IST1: variants seen among roughly 807,000 people sequenced by gnomAD.
IST1 encodes the protein IST1 factor associated with ESCRT-III, also known as IST1 homolog.
Under a neutral mutation model 37.0 loss-of-function variants are expected in IST1, and 23 were observed. The ratio of observed to expected loss-of-function variants is 0.62; its 90% CI spans 0.45 to 0.88. The LOEUF (loss-of-function observed/expected upper bound fraction) is 0.88, where lower values mean the gene tolerates loss of function less well. Ranked by LOEUF, IST1 falls within the 40% of genes least tolerant of loss-of-function variation. IST1 has a pLI of 0.00. For synonymous variants in IST1, 180 were observed against 161.7 expected (o/e 1.11, Z -0.86); for missense variants, 488 against 445.4 (o/e 1.10, Z -0.86).
chr16:71,925,103 C>CCCGGGTTCACGCCATTCT (rs1323648493), intron 9 of IST1, among the ~76,000 whole-genome samples: 4 of 150,816 alleles, frequency 2.7e-5, no homozygotes, highest in Non-Finnish European at 4.4e-5. Flanking sequence ...AGCTCCGCCT[C>CCCGGGTTCACGCCATTCT]CCGGGTTCAC....
intron 1 of IST1, among the ~76,000 whole-genome samples, chr16:71,908,849 T>G (rs1340403327): frequency 6.6e-6 from 1 of 152,176 alleles, no homozygotes; most frequent in Non-Finnish European, 1.5e-5. Context: ...CGCCAGTTTA[T>G]TGGTACTTCA....
chr16:71,900,327 C>CTTTTT (rs201344260), intron 1 of IST1, among the ~76,000 whole-genome samples: 7 of 100,464 alleles, frequency 7.0e-5, no homozygotes, highest in South Asian at 3.9e-4. Flanking sequence ...CTTAGGAAGT[C>CTTTTT]TTTTTTTTTT....
chr16:71,924,716 T>A lies in IST1; in HGVS notation c.853-53T>A, dbSNP rs189840152. 155 of 1,382,748 alleles carry A rather than the reference T, an allele frequency of 1.1e-4. No individual in the cohort carries two copies. In the African/African-American group the frequency reaches 1.5e-3, roughly 13 times the overall value. 85.7% of individuals were successfully genotyped at this position (1,382,748 alleles called of 1,614,324 possible). A position where few individuals can be genotyped will look rare whatever the true frequency, so the allele number is the denominator to read the frequency against. On this transcript the variant is annotated intron_variant, in intron 8 of 9. Coordinates refer to ENST00000378799, the MANE Select transcript of IST1 (RefSeq NM_001270975.2). ...GAAACACAGGGGCTTACACCAGTAC[T>A]TTCTCCAGTGACACTATTGCTGTCT...
chr16:71,900,432 T>C (rs567668715), intron 1 of IST1, among the ~76,000 whole-genome samples: 8 of 151,554 alleles, frequency 5.3e-5, no homozygotes, highest in Non-Finnish European at 8.8e-5. Flanking sequence ...GGGCAGCAGT[T>C]CTGATTCTTT....
chr16:71,922,833 C>T (rs1242306574), intron 7 of IST1, 153 bp downstream of exon 7: 2 of 655,758 alleles, frequency 3.0e-6, no homozygotes, highest in Non-Finnish European at 5.3e-6. Flanking sequence ...GGAAAAAACA[C>T]ATTGGATTCA....
rs2037820216 is a variant in IST1, at chr16:71,928,988, A to T, written c.*1175A>T. The T allele has an allele frequency of 6.6e-6, 1 of 152,652 alleles. No homozygotes were observed. Among genetic ancestry groups the T allele is most frequent in the African/African-American group, 2.4e-5 (1 of 41,458 alleles). 9.5% of individuals were successfully genotyped at this position (152,652 alleles called of 1,614,324 possible). ...ATTCTGTAGCTCAGTAGCTGCTAAT[A>T]AAGTTAAAGATCCTGTGTCCTGCTT... On this transcript the variant is annotated 3_prime_UTR_variant, in exon 10 of 10. Transcript: ENST00000378799.
Position 71,927,953 on chromosome 16 carries a change from T to G in IST1, c.*140T>G. 2 of 643,836 alleles carry G rather than the reference T, an allele frequency of 3.1e-6. No homozygotes were observed. The highest frequency in any genetic ancestry group is 5.5e-6 in the Non-Finnish European group (2 of 366,088). The allele number at this position is 643,836 out of a possible 1,614,324, so 39.9% of individuals were successfully genotyped here. A position where few individuals can be genotyped will look rare whatever the true frequency, so the allele number is the denominator to read the frequency against. On this transcript the variant is annotated 3_prime_UTR_variant, in exon 10 of 10. Coordinates refer to ENST00000378799, the MANE Select transcript of IST1 (RefSeq NM_001270975.2). ...CACTCCCTCTGGGCTCTCTTCCTGCTCCTCCAGATTCTGCTGCTTTCCAGT... is the reference window on the plus strand; with the variant it reads ...CACTCCCTCTGGGCTCTCTTCCTGCGCCTCCAGATTCTGCTGCTTTCCAGT...
rs1256556534 is a variant in IST1 at position 71,915,622 on chromosome 16, C to G, written c.-15-4C>G. The stretch of plus-strand genomic sequence containing the variant: ...AATAGTCATTGTGCTTCTTCTGTTT[C>G]TAGGAGGAACAGCACAGCATGCTGG... On this transcript the variant is annotated splice_polypyrimidine_tract_variant and splice_region_variant and intron_variant, in intron 1 of 9. Coordinates refer to ENST00000378799, the MANE Select transcript of IST1 (RefSeq NM_001270975.2). 1 of 1,595,310 alleles carries G rather than the reference C, an allele frequency of 6.3e-7. No individual in the cohort carries two copies. Among genetic ancestry groups the G allele is most frequent in the Admixed American group, 1.8e-5 (1 of 56,152 alleles).
In IST1 at chr16:71,923,297, A is replaced by C. The variant is rs2037653346; in HGVS notation, c.769A>C (p.Asn257His). Residue 257 changes from asparagine to histidine, a missense_variant, in exon 8 of 10, where the codon AAT becomes CAT. Physicochemically the swap from Asn to His is moderately conservative, Grantham distance 68 (BLOSUM62 1). Around this residue, in one of 2 missense-constraint regions of IST1, gnomAD observed 455 missense variants for 386.2 expected, o/e 1.18. Coordinates refer to ENST00000378799, the MANE Select transcript of IST1 (RefSeq NM_001270975.2). The part of the protein sequence containing the change: ...YPLPKGPSDF[N>H]GLPMGTYQAF... The stretch of plus-strand genomic sequence containing the variant: ...CTTTCTCCTCTTACAGTCAGATTTC[A>C]ATGGACTGCCAATGGGGACTTATCA... 6.2e-7 allele frequency: 1 copy of C among 1,608,076 alleles called. No homozygotes were observed. The highest frequency in any genetic ancestry group is 8.5e-7 in the Non-Finnish European group (1 of 1,175,420).
chr16:71,898,980 AAAAG>A (rs2037041812), intron 1 of IST1, among the ~76,000 whole-genome samples: 1 of 151,792 alleles, frequency 6.6e-6, no homozygotes, highest in Non-Finnish European at 1.5e-5. Context: ...AAAAAAAAAA[AAAAG>A]AAACACTCTT....
chr16:71,925,840 A>C (rs1425427919), intron 9 of IST1, among the ~76,000 whole-genome samples: 1 of 152,120 alleles, frequency 6.6e-6, no homozygotes, highest in African/African-American at 2.4e-5. Flanking sequence ...TTGTGGTCAC[A>C]GCTACTCAAG....
rs542658437 is a variant in IST1, at chr16:71,927,664, G to T, written c.952G>T (p.Asp318Tyr). 2 of 1,613,816 alleles carry T rather than the reference G, an allele frequency of 1.2e-6. No individual in the cohort carries two copies. Among genetic ancestry groups the T allele is most frequent in the Non-Finnish European group, 8.5e-7 (1 of 1,179,868 alleles). ...TGCAAAGCTTCCTTCCAGACCTGCAGATAACTATGACAACTTTGTCCTACC... is the reference window on the plus strand; with the variant it reads ...TGCAAAGCTTCCTTCCAGACCTGCATATAACTATGACAACTTTGTCCTACC... ...ASAKLPSRPA[D>Y]NYDNFVLPEL... The change falls in exon 10 of 10, where the codon GAT becomes TAT. Residue 318 changes from aspartate to tyrosine, a missense_variant. Around this residue, in one of 2 missense-constraint regions of IST1, gnomAD observed 455 missense variants for 386.2 expected, o/e 1.18. Coordinates refer to ENST00000378799, the MANE Select transcript of IST1 (RefSeq NM_001270975.2).
chr16:71,920,279 A>G (rs2142579441), intron 4 of IST1, among the ~76,000 whole-genome samples: 1 of 152,364 alleles, frequency 6.6e-6, no homozygotes, highest in East Asian at 1.9e-4. Flanking sequence ...GTACAAGGAC[A>G]TAGAATGTAT....
At chr16:71,894,948 AC>A, upstream of IST1, 2 of 888,276 alleles carry the variant, frequency 2.3e-6, no homozygotes, top group South Asian at 1.4e-5. Flanking sequence ...ACTGAATTAT[AC>A]CACACAGACC....
chr16:71,898,828 T>C (rs1295494063), intron 1 of IST1, among the ~76,000 whole-genome samples: 3 of 151,122 alleles, frequency 2.0e-5, no homozygotes, highest in Non-Finnish European at 4.4e-5. Flanking sequence ...AATAAAAAAA[T>C]TAGCGGGGTG....
rs141209172 is a variant in IST1 at position 71,926,329 on chromosome 16, T to C, written c.902-1285T>C. Among the ~76,000 whole-genome samples the C allele has an allele frequency of 1.1e-3, 167 of 151,952 alleles. 2 individuals carry two copies. In the East Asian group the frequency reaches 0.029, roughly 26 times the overall value. On this transcript the variant is annotated intron_variant, in intron 9 of 9. Transcript: ENST00000378799. ...ACAGTTGTCTTATGGAGATACAATT[T>C]ACATTTTAAAAAAACTCATAGTTTT... is the stretch of plus-strand genomic sequence containing the variant.
intron 1 of IST1, among the ~76,000 whole-genome samples, chr16:71,910,000 GATAAAA>G (rs1426162115): frequency 6.6e-6 from 1 of 152,148 alleles, no homozygotes; most frequent in Non-Finnish European, 1.5e-5. Context: ...AGTCACTACT[GATAAAA>G]ATAAATTGTG....
At chr16:71,918,041 G>C (rs537650743) in intron 4 of IST1, among the ~76,000 whole-genome samples, 1 of 152,312 alleles carries the variant, frequency 6.6e-6, no homozygotes, top group South Asian at 2.1e-4. Context: ...TTTACTGCCA[G>C]ATGCCTTCAT....
chr16:71,906,341 C>T (rs752703098), intron 1 of IST1, among the ~76,000 whole-genome samples: 1 of 150,120 alleles, frequency 6.7e-6, no homozygotes, highest in African/African-American at 2.5e-5. Flanking sequence ...CAGTTTTGCG[C>T]TTGTTGCCCA....
Sources: gnomAD v4.1 joint callset for allele counts (sites outside exome capture counted in the v4.1 genomes callset) on GRCh38, gnomAD v4.1.1 for gene constraint, gnomAD v4.1.1 regional missense constraint, MANE v1.5 for transcripts, NCBI Gene and HGNC (gene_info 2026-07-23, HGNC 2026-07-21) for gene names.